Variants in SNTB1 observed in about 807,000 individuals in gnomAD.
SNTB1 encodes syntrophin beta 1.
A neutral mutation model predicts 48.9 loss-of-function variants in SNTB1; 36 were observed. The observed-to-expected ratio is 0.74, with a 90% confidence interval of 0.56 to 0.97. The LOEUF (loss-of-function observed/expected upper bound fraction) is 0.97, where lower values mean the gene tolerates loss of function less well. Ranked by LOEUF, SNTB1 falls within the 50% of genes least tolerant of loss-of-function variation. SNTB1 has a pLI of 0.00. For missense variants in SNTB1, 786 were observed against 703.4 expected (o/e 1.12, Z -1.33); for synonymous variants, 299 against 294.6 (o/e 1.01, Z -0.15).
chr8:120,796,981 T>G (rs1017900125), intron 1 of SNTB1, among the ~76,000 whole-genome samples: 6 of 152,100 alleles, frequency 3.9e-5, no homozygotes, highest in African/African-American at 1.4e-4. Flanking sequence ...ATACATTTTT[T>G]AAAAATACAG....
At chr8:120,583,957 C>A (rs1816091098) in intron 3 of SNTB1, among the ~76,000 whole-genome samples, 1 of 152,100 alleles carries the variant, frequency 6.6e-6, no homozygotes, top group South Asian at 2.1e-4. Flanking sequence ...AATTAAAAAT[C>A]AATCAATACT....
At chr8:120,656,300 A>T (rs1411835579) in intron 2 of SNTB1, among the ~76,000 whole-genome samples, 1 of 152,166 alleles carries the variant, frequency 6.6e-6, no homozygotes, top group Non-Finnish European at 1.5e-5. Flanking sequence ...ATGATATAGT[A>T]TTCTGCTAAG....
Position 120,715,778 on chromosome 8 carries a change from G to A in SNTB1, c.572-21870C>T, listed in dbSNP as rs114840367. Among the ~76,000 whole-genome samples, 572 of 152,166 alleles carry A rather than the reference G, an allele frequency of 3.8e-3. 4 individuals are homozygous for A. Among genetic ancestry groups the A allele is most frequent in the African/African-American group, 0.013 (543 of 41,474 alleles). On this transcript the variant is annotated intron_variant, in intron 1 of 6. Transcript: ENST00000517992. Reference sequence around the variant, plus strand: ...TCCCCCTCCTTGTTTCATTTATTGAGTGCGCCCTTTATTCGTGATGCCGTC... The same window carrying A: ...TCCCCCTCCTTGTTTCATTTATTGAATGCGCCCTTTATTCGTGATGCCGTC...
At chr8:120,651,755 A>T (rs1395608190) in intron 2 of SNTB1, among the ~76,000 whole-genome samples, 1 of 151,932 alleles carries the variant, frequency 6.6e-6, no homozygotes, top group Non-Finnish European at 1.5e-5. Flanking sequence ...AAACGGAAAA[A>T]ACTCAAGAGT....
In SNTB1 at chr8:120,677,687, T is replaced by A. The variant is rs151057973; in HGVS notation, c.788+16005A>T. Among the ~76,000 whole-genome samples the A allele has an allele frequency of 4.6e-5, 7 of 152,286 alleles. No homozygotes were observed. In the East Asian group the frequency reaches 1.3e-3, roughly 29 times the overall value. ...GTATGTCCCAGGCATTAGGCAGATG[T>A]CAACTTATTTAATTCTAAAAATAGT... On this transcript the variant is annotated intron_variant, in intron 2 of 6. Transcript: ENST00000517992.
intron 4 of SNTB1, among the ~76,000 whole-genome samples, chr8:120,554,494 G>A (rs927050931): frequency 1.1e-4 from 16 of 152,176 alleles, no homozygotes; most frequent in Admixed American, 3.9e-4. Context: ...TTTGACCTGC[G>A]TGGTGGGCGG....
At chr8:120,700,008 T>C (rs1807525114) in intron 1 of SNTB1, among the ~76,000 whole-genome samples, 1 of 152,180 alleles carries the variant, frequency 6.6e-6, no homozygotes, top group Non-Finnish European at 1.5e-5. Context: ...CACAACAATA[T>C]AGGCATTATA....
chr8:120,606,238 T>C lies in SNTB1; in HGVS notation c.996+26206A>G, dbSNP rs146619832. Among the ~76,000 whole-genome samples the C allele has an allele frequency of 8.2e-3, 1,213 of 147,268 alleles. 21 individuals are homozygous for C. The highest frequency in any genetic ancestry group is 0.026 in the African/African-American group (1,042 of 40,654). On this transcript the variant is annotated intron_variant, in intron 3 of 6. Coordinates refer to ENST00000517992, the MANE Select transcript of SNTB1 (RefSeq NM_021021.4). ...AATTATAATATAATATAATTATATA[T>C]AATATAATAATATATAATTATTTAT...
chr8:120,649,773 C>T (rs1817377840), intron 2 of SNTB1, among the ~76,000 whole-genome samples: 1 of 152,228 alleles, frequency 6.6e-6, no homozygotes. Flanking sequence ...AGCCTAGCTG[C>T]CACCTTGCAG....
chr8:120,621,859 G>A (rs952916569), intron 3 of SNTB1, among the ~76,000 whole-genome samples: 5 of 151,964 alleles, frequency 3.3e-5, no homozygotes, highest in Admixed American at 1.3e-4. Flanking sequence ...AAGTGCCTGG[G>A]TTTCCCTCCC....
At chr8:120,603,903 T>C (rs937636826) in intron 3 of SNTB1, among the ~76,000 whole-genome samples, 12 of 152,160 alleles carry the variant, frequency 7.9e-5, no homozygotes, top group African/African-American at 2.2e-4. Flanking sequence ...AGAGGTACAC[T>C]TTGACCAGGG....
intron 1 of SNTB1, among the ~76,000 whole-genome samples, chr8:120,771,593 G>C (rs926225797): frequency 6.6e-6 from 1 of 152,090 alleles, no homozygotes; most frequent in South Asian, 2.1e-4. Context: ...ATTGGTTTCT[G>C]TCTTCTCCCT....
chr8:120,605,390 A>G (rs1295158583), intron 3 of SNTB1, among the ~76,000 whole-genome samples: 1 of 152,246 alleles, frequency 6.6e-6, no homozygotes, highest in Non-Finnish European at 1.5e-5. Context: ...TACAAGGCTA[A>G]CAGCTGGGAA....
intron 2 of SNTB1, among the ~76,000 whole-genome samples, chr8:120,681,127 T>G (rs368034513): frequency 3.3e-4 from 51 of 152,260 alleles, no homozygotes; most frequent in African/African-American, 1.1e-3. Flanking sequence ...GAAAACAAAT[T>G]TTCTTAAAAA....
At chr8:120,805,377 T>C (rs1820317909) in intron 1 of SNTB1, among the ~76,000 whole-genome samples, 1 of 152,124 alleles carries the variant, frequency 6.6e-6, no homozygotes, top group Non-Finnish European at 1.5e-5. Context: ...GTGTGTTTCT[T>C]AGTGACCAAA....
rs545008223 is a variant in SNTB1, at chr8:120,654,135, C to T, written c.789-21484G>A. Among the ~76,000 whole-genome samples, 7 of 136,012 alleles carry T rather than the reference C, an allele frequency of 5.1e-5. No individual in the cohort carries two copies. The East Asian group carries it at 1.2e-3, about 22-fold the overall frequency. 89.2% of individuals were successfully genotyped at this position (136,012 alleles called of 152,430 possible). The stretch of plus-strand genomic sequence containing the variant: ...TCAGTTTTATAGCCCAGAAAGAAAA[C>T]GGGGAACCATTCTGATGTAAGGAAC... On this transcript the variant is annotated intron_variant, in intron 2 of 6. Coordinates refer to ENST00000517992, the MANE Select transcript of SNTB1 (RefSeq NM_021021.4).
chr8:120,799,371 G>A (rs1261837448), intron 1 of SNTB1, among the ~76,000 whole-genome samples: 1 of 151,964 alleles, frequency 6.6e-6, no homozygotes, highest in Non-Finnish European at 1.5e-5. Context: ...AGACATCTGA[G>A]TCAATACTGG....
chr8:120,643,296 TGG>T (rs971465063), intron 2 of SNTB1, among the ~76,000 whole-genome samples: 2 of 152,216 alleles, frequency 1.3e-5, no homozygotes, highest in Non-Finnish European at 2.9e-5. Flanking sequence ...TCAATAGTTT[TGG>T]GGGAACAGGT....
intron 2 of SNTB1, among the ~76,000 whole-genome samples, chr8:120,664,591 G>C (rs531836691): frequency 6.6e-6 from 1 of 152,308 alleles, no homozygotes; most frequent in African/African-American, 2.4e-5. Flanking sequence ...CATCCATGTT[G>C]TAGCATGTAT....
Sources: gnomAD v4.1 joint callset for allele counts (sites outside exome capture counted in the v4.1 genomes callset) on GRCh38, gnomAD v4.1.1 for gene constraint, MANE v1.5 for transcripts, NCBI Gene and HGNC (gene_info 2026-07-23, HGNC 2026-07-21) for gene names.